The following SLC26A7 variants were observed in gnomAD, a reference collection of about 807,000 sequenced individuals.
The protein encoded by SLC26A7 is solute carrier family 26 member 7.
Under a neutral mutation model 82.5 loss-of-function variants are expected in SLC26A7, and 59 were observed. The ratio of observed to expected loss-of-function variants is 0.72; its 90% CI spans 0.58 to 0.89. The LOEUF (loss-of-function observed/expected upper bound fraction) is 0.89. Ranked by LOEUF, SLC26A7 falls within the 40% of genes least tolerant of loss-of-function variation. The pLI, the probability that SLC26A7 is intolerant of heterozygous loss-of-function variation, is 0.00. For missense variants in SLC26A7, 820 were observed against 793.0 expected (o/e 1.03, Z -0.41); for synonymous variants, 271 against 274.3 (o/e 0.99, Z 0.12).
chr8:91,341,337 ATAG>A (rs1265129550), intron 8 of SLC26A7, among the ~76,000 whole-genome samples: 1 of 152,062 alleles, frequency 6.6e-6, no homozygotes, highest in African/African-American at 2.4e-5. Context: ...TTATGGCTGC[ATAG>A]TATTCCATGG....
chr8:91,331,121 C>T (rs1813067678), intron 5 of SLC26A7, among the ~76,000 whole-genome samples: 1 of 152,016 alleles, frequency 6.6e-6, no homozygotes, highest in Admixed American at 6.6e-5. Context: ...CCCATATGAT[C>T]TCATTTTACC....
rs1808511454 is a variant in SLC26A7 at position 91,394,454 on chromosome 8, A to C, written c.1935+415A>C. On this transcript the variant is annotated intron_variant, in intron 18 of 18. Transcript: ENST00000276609. ...CTAAGCTTATATTGCCATCTTTGGA[A>C]ATACTATTTGTAGAATCTAGTGCTC... 3 of 1,396,334 alleles carry C rather than the reference A, an allele frequency of 2.1e-6. No homozygotes were observed. The African/African-American group carries it at 4.4e-5, about 20-fold the overall frequency. The allele number at this position is 1,396,334 out of a possible 1,614,324, so 86.5% of individuals were successfully genotyped here. A position where few individuals can be genotyped will look rare whatever the true frequency, so the allele number is the denominator to read the frequency against.
intron 15 of SLC26A7, among the ~76,000 whole-genome samples, chr8:91,372,813 T>C (rs1004128875): frequency 6.6e-6 from 1 of 151,848 alleles, no homozygotes; most frequent in African/African-American, 2.4e-5. Flanking sequence ...TAGATTGTTT[T>C]GAGTGGTAGT....
chr8:91,387,789 T>C (rs116923261), intron 15 of SLC26A7, among the ~76,000 whole-genome samples: 1,745 of 152,326 alleles, frequency 0.011, 21 homozygotes, highest in South Asian at 0.024. Flanking sequence ...AAAAGTATTA[T>C]AAGCTCCTAA....
rs1814302108 is a variant in SLC26A7 at position 91,369,767 on chromosome 8, T to C, written c.1627-18T>C. On this transcript the variant is annotated intron_variant, in intron 14 of 18. Transcript: ENST00000276609. ...AATTTTATAACATTTTTCTTCTTTA[T>C]GTTTGTTTTTATTTTAGTGTGAACA... is the stretch of plus-strand genomic sequence containing the variant. The C allele has an allele frequency of 1.9e-6, 3 of 1,552,302 alleles. No homozygotes were observed. Among genetic ancestry groups the C allele is most frequent in the African/African-American group, 2.8e-5 (2 of 72,156 alleles).
At chr8:91,286,241 C>A (rs964648127) in intron 2 of SLC26A7, among the ~76,000 whole-genome samples, 22 of 152,182 alleles carry the variant, frequency 1.4e-4, no homozygotes, top group Admixed American at 1.2e-3. Context: ...TGTTCAGTTT[C>A]ACACTAAGGG....
chr8:91,394,605 C>T (rs771867511), intron 18 of SLC26A7: 74 of 1,167,448 alleles, frequency 6.3e-5, no homozygotes, highest in Non-Finnish European at 7.7e-5. Context: ...CCTTTCCTCA[C>T]CCCTAGAATA....
chr8:91,256,509 T>G (rs988604762), intron 2 of SLC26A7, among the ~76,000 whole-genome samples: 2 of 152,096 alleles, frequency 1.3e-5, no homozygotes, highest in African/African-American at 4.8e-5. Flanking sequence ...ATGAGACCTT[T>G]TAGGAAGCCA....
chr8:91,317,422 C>G (rs1023340733), intron 4 of SLC26A7, among the ~76,000 whole-genome samples: 9 of 152,116 alleles, frequency 5.9e-5, no homozygotes, highest in Non-Finnish European at 8.8e-5. Context: ...CAAATAAGTC[C>G]TAATGTATTC....
At chr8:91,268,098 G>A (rs1026427781) in intron 2 of SLC26A7, among the ~76,000 whole-genome samples, 1 of 151,424 alleles carries the variant, frequency 6.6e-6, no homozygotes, top group Non-Finnish European at 1.5e-5. Context: ...TTTCATTTAG[G>A]TCAGAAAAGG....
chr8:91,349,319 C>A (rs1813652404), intron 9 of SLC26A7, among the ~76,000 whole-genome samples: 1 of 152,172 alleles, frequency 6.6e-6, no homozygotes, highest in Admixed American at 6.6e-5. Flanking sequence ...CACAGTTTGT[C>A]ACCCTTTACC....
At chr8:91,273,317 A>G (rs1174982494) in intron 2 of SLC26A7, among the ~76,000 whole-genome samples, 1 of 152,142 alleles carries the variant, frequency 6.6e-6, no homozygotes, top group Non-Finnish European at 1.5e-5. Flanking sequence ...AGATGTATAT[A>G]TTGTGGTCAT....
chr8:91,369,094 T>C (rs1040947788), intron 14 of SLC26A7, among the ~76,000 whole-genome samples: 23 of 152,230 alleles, frequency 1.5e-4, no homozygotes, highest in African/African-American at 5.5e-4. Context: ...TTTTAACCCA[T>C]GCTCTTACTA....
At chr8:91,327,100 A>T (rs567746146) in intron 5 of SLC26A7, among the ~76,000 whole-genome samples, 1 of 152,264 alleles carries the variant, frequency 6.6e-6, no homozygotes, top group South Asian at 2.1e-4. Context: ...TGGAGTTTAG[A>T]ATGTAGACTT....
chr8:91,212,624 A>G (rs1809952122), intron 1 of SLC26A7, among the ~76,000 whole-genome samples: 1 of 152,200 alleles, frequency 6.6e-6, no homozygotes, highest in African/African-American at 2.4e-5. Flanking sequence ...CTTACTTTGT[A>G]GTAAAAAGTT....
chr8:91,223,790 C>T (rs1465453267), intron 2 of SLC26A7, among the ~76,000 whole-genome samples: 2 of 152,102 alleles, frequency 1.3e-5, no homozygotes, highest in Non-Finnish European at 2.9e-5. Context: ...TTTCTATTCT[C>T]CCTGTCTCCT....
chr8:91,298,899 A>T (rs1349174218), intron 4 of SLC26A7, among the ~76,000 whole-genome samples: 1 of 152,186 alleles, frequency 6.6e-6, no homozygotes, highest in Non-Finnish European at 1.5e-5. Flanking sequence ...GTTATGTTAG[A>T]CATTGTTAAA....
upstream of SLC26A7, among the ~76,000 whole-genome samples, chr8:91,245,406 C>T (rs1810531645): frequency 6.6e-6 from 1 of 152,102 alleles, no homozygotes; most frequent in Non-Finnish European, 1.5e-5. Context: ...AAAAAAAGTA[C>T]TTTGGTAGAC....
intron 2 of SLC26A7, among the ~76,000 whole-genome samples, chr8:91,253,251 C>G (rs1405651268): frequency 3.3e-5 from 5 of 152,076 alleles, no homozygotes; most frequent in Admixed American, 3.3e-4. Context: ...TATGCCCTCA[C>G]TTTTATACTA....
Sources: allele counts gnomAD v4.1 joint callset (sites outside exome capture counted in the v4.1 genomes callset), GRCh38; gene constraint gnomAD v4.1.1; transcripts MANE v1.5; gene names NCBI Gene and HGNC (gene_info 2026-07-23, HGNC 2026-07-21).